FMO4: variants seen among roughly 807,000 people sequenced by gnomAD.
The protein encoded by FMO4 is dimethylaniline monooxygenase [N-oxide-forming] 4.
A neutral mutation model predicts 43.3 loss-of-function variants in FMO4; 38 were observed. The ratio of observed to expected loss-of-function variants is 0.88; its 90% CI spans 0.68 to 1.15. The LOEUF (loss-of-function observed/expected upper bound fraction) is 1.15, where lower values mean the gene tolerates loss of function less well. Among genes scored for constraint, FMO4 ranks in the 50% most tolerant of loss-of-function variants. FMO4 has a pLI of 0.00. For missense variants in FMO4, 631 were observed against 663.3 expected (o/e 0.95, Z 0.54); for synonymous variants, 224 against 232.2 (o/e 0.96, Z 0.32).
At chr1:171,339,817 A>G (rs1663288793) in intron 9 of FMO4, among the ~76,000 whole-genome samples, 1 of 152,146 alleles carries the variant, frequency 6.6e-6, no homozygotes, top group African/African-American at 2.4e-5. Flanking sequence ...GGCCTTGGGA[A>G]CCTCCAAACT....
At chr1:171,322,929 C>A in intron 3 of FMO4, 75 bp from the exon 4 acceptor site, 1 of 1,087,162 alleles carries the variant, frequency 9.2e-7, no homozygotes, top group Non-Finnish European at 1.4e-6. Context: ...GTGAGGCTAG[C>A]ATGAGCCACC....
intron 7 of FMO4, 23 bp downstream of exon 7, chr1:171,332,931 A>G (rs753733606): frequency 4.9e-6 from 5 of 1,012,436 alleles, no homozygotes; most frequent in Non-Finnish European, 7.7e-6. Flanking sequence ...TTTATTTAGT[A>G]GAAAAAATAT....
At chr1:171,318,316 A>AAATAATAATAATAATAAT (rs536741358) in intron 2 of FMO4, among the ~76,000 whole-genome samples, 1,712 of 149,016 alleles carry the variant, frequency 0.011, 39 homozygotes, top group African/African-American at 0.039. Flanking sequence ...GACTGTCTCA[A>AAATAATAATAATAATAAT]AATAATAATA....
chr1:171,339,896 A>T (rs1431764605), intron 9 of FMO4, among the ~76,000 whole-genome samples: 1 of 152,206 alleles, frequency 6.6e-6, no homozygotes, highest in Admixed American at 6.5e-5. Context: ...GAGAAGATTT[A>T]CAACAAAACC....
chr1:171,324,389 T>C (rs1267500593), intron 5 of FMO4, 89 bp downstream of exon 5: 7 of 969,748 alleles, frequency 7.2e-6, no homozygotes, highest in Admixed American at 5.1e-5. Context: ...TACCGCCCCA[T>C]GATTATAGAT....
chr1:171,338,420 A>G (rs932880391), intron 9 of FMO4, among the ~76,000 whole-genome samples: 1 of 152,090 alleles, frequency 6.6e-6, no homozygotes, highest in African/African-American at 2.4e-5. Context: ...CACTCCCAGG[A>G]GGCTCCCTAC....
At chr1:171,338,724 CCTTT>C (rs1267485198) in intron 9 of FMO4, among the ~76,000 whole-genome samples, 2 of 152,188 alleles carry the variant, frequency 1.3e-5, no homozygotes, top group African/African-American at 4.8e-5. Flanking sequence ...CCCTTACCCT[CCTTT>C]CTATTTCTCA....
Position 171,341,816 on chromosome 1 carries a change from C to G in FMO4, c.1654C>G (p.Leu552Val). 6.2e-7 allele frequency: 1 copy of G among 1,612,408 alleles called. No individual in the cohort carries two copies. Among genetic ancestry groups the G allele is most frequent in the Non-Finnish European group, 8.5e-7 (1 of 1,179,066 alleles). Residue 552 changes from leucine to valine, a missense_variant, in exon 10 of 10, where the codon CTA (leucine) becomes GTA (valine). Leu to Val is a conservative substitution (Grantham distance 32). Transcript: ENST00000367749. ...ACTACAGGACAGAATGTCCCCTTAC[C>G]TAGTAAGTCTTTGGCGAGGATGAAC... is the stretch of plus-strand genomic sequence containing the variant. Reference protein sequence around the residue: ...DKLQDRMSPYLVSLWRG With the variant: ...DKLQDRMSPYVVSLWRG
intron 5 of FMO4, among the ~76,000 whole-genome samples, chr1:171,325,214 C>G (rs1404500628): frequency 1.3e-5 from 2 of 152,184 alleles, no homozygotes. Context: ...TTCACTGTGA[C>G]AACATATTCT....
Position 171,324,160 on chromosome 1 carries a change from A to C in FMO4, c.344A>C (p.Lys115Thr), listed in dbSNP as rs148886711. 6.8e-6 allele frequency: 11 copies of C among 1,612,166 alleles called. No individual in the cohort carries two copies. The highest frequency in any genetic ancestry group is 9.3e-6 in the Non-Finnish European group (11 of 1,179,296). Residue 115 changes from lysine (K) to threonine (T), a missense_variant, in exon 5 of 10, where the codon AAG becomes ACG. Lys to Thr is a moderately conservative substitution (Grantham distance 78, BLOSUM62 -1). Coordinates refer to ENST00000367749, the MANE Select transcript of FMO4 (RefSeq NM_002022.3). ...QFKTTVCSITKRPDFSETGQW... is the reference protein window; with the variant it reads ...QFKTTVCSITTRPDFSETGQW... ...TAGACCACTGTGTGCAGCATAACGA[A>C]GCGTCCAGACTTCTCCGAAACTGGT...
rs75661671 is a variant in FMO4, at chr1:171,341,762, T to C, written c.1600T>C (p.Ser534Pro). Residue 534 changes from serine (S) to proline (P), a missense_variant, in exon 10 of 10, where the codon TCA (serine) becomes CCA (proline). By Grantham distance (74) the Ser-to-Pro change is moderately conservative (BLOSUM62 -1). Transcript: ENST00000367749. ...CTCTCTTCTACTTATCTGTAAATCTTCACTTTTCTTGAAATTGGTGAGAGA... is the reference window on the plus strand; with the variant it reads ...CTCTCTTCTACTTATCTGTAAATCTCCACTTTTCTTGAAATTGGTGAGAGA... ...LASLLLICKS[S>P]LFLKLVRDKL... 1.5e-3 allele frequency: 2,367 copies of C among 1,613,884 alleles called. 39 individuals carry two copies. The African/African-American group carries it at 0.028, about 19-fold the overall frequency.
chr1:171,332,731 G>GT lies in FMO4; in HGVS notation c.651dup (p.Thr218TyrfsTer15). On this transcript the variant is annotated frameshift_variant, in exon 7 of 10. Coordinates refer to ENST00000367749, the MANE Select transcript of FMO4 (RefSeq NM_002022.3). LOFTEE classifies it high-confidence loss of function. The stretch of plus-strand genomic sequence containing the variant: ...TAGGTACTTCTCAGTACTAGAACTG[G>GT]TACCTGGGTTCTTGGGCGCTCTTCA... 3 of 1,609,724 alleles carry GT rather than the reference G, an allele frequency of 1.9e-6. No individual in the cohort carries two copies. The highest frequency in any genetic ancestry group is 2.6e-6 in the Non-Finnish European group (3 of 1,176,250).
rs750870142 is a variant in FMO4 at position 171,332,777 on chromosome 1, T to C, written c.696T>C (p.Asn232=). 9.9e-6 allele frequency: 16 copies of C among 1,612,462 alleles called. No homozygotes were observed. The Admixed American group carries it at 2.5e-4, about 25-fold the overall frequency. The stretch of plus-strand genomic sequence containing the variant: ...CTTCAGATTGGGGCTATCCTTATAA[T>C]ATGATGGTTACAAGAAGATGCTGTA... The part of the protein sequence containing the change: ...GRSSDWGYPY[N]MMVTRRCCSF... The change falls in exon 7 of 10, where the codon AAT becomes AAC. Residue 232 remains asparagine, a synonymous_variant. Transcript: ENST00000367749.
intron 5 of FMO4, among the ~76,000 whole-genome samples, chr1:171,325,276 A>AT (rs1286310859): frequency 1.3e-5 from 2 of 152,204 alleles, no homozygotes; most frequent in Admixed American, 1.3e-4. Flanking sequence ...GTCAAAACTG[A>AT]TTATTTGAGA....
chr1:171,340,899 A>G (rs1202839025), intron 9 of FMO4, among the ~76,000 whole-genome samples: 3 of 152,158 alleles, frequency 2.0e-5, no homozygotes, highest in East Asian at 3.8e-4. Context: ...CAAAAAAATT[A>G]AAAATAATTA....
At chr1:171,318,470 G>A (rs897958713) in intron 2 of FMO4, among the ~76,000 whole-genome samples, 3 of 151,946 alleles carry the variant, frequency 2.0e-5, no homozygotes, top group Admixed American at 6.6e-5. Context: ...GGGCAATATG[G>A]TGAGACCCCA....
Position 171,324,325 on chromosome 1 carries a change from T to C in FMO4, c.484+25T>C, listed in dbSNP as rs45452395. On this transcript the variant is annotated intron_variant, in intron 5 of 9. Transcript: ENST00000367749. ...GGTGAGTCATTTCTACCTGAGACCA[T>C]GCCTATGCTTCTGGGTTCTTCTAGA... 13,875 of 1,575,266 alleles carry C rather than the reference T, an allele frequency of 8.8e-3. 937 individuals are homozygous for C. In the African/African-American group the frequency reaches 0.15, roughly 17 times the overall value.
chr1:171,315,006 C>T (rs1269750724), intron 1 of FMO4, among the ~76,000 whole-genome samples: 1 of 152,046 alleles, frequency 6.6e-6, no homozygotes, highest in Non-Finnish European at 1.5e-5. Flanking sequence ...ATATAAGCAA[C>T]CTATGGCTGG....
At position 171,321,069 on chromosome 1, in the gene FMO4, G is replaced by A. The variant is rs115260940; in HGVS notation, c.132+1112G>A. ...TAGGAGAAAAAAAAAATGGTATATT[G>A]TTAACCTCATCAAGCCACCAAATGT... On this transcript the variant is annotated intron_variant, in intron 3 of 9. Transcript: ENST00000367749. Among the ~76,000 whole-genome samples, 1,082 of 152,022 alleles carry A rather than the reference G, an allele frequency of 7.1e-3. 10 individuals are homozygous for A. The highest frequency in any genetic ancestry group is 0.023 in the African/African-American group (970 of 41,480).
Sources: allele counts gnomAD v4.1 joint callset (sites outside exome capture counted in the v4.1 genomes callset), GRCh38; gene constraint gnomAD v4.1.1; transcripts MANE v1.5; gene names NCBI Gene and HGNC (gene_info 2026-07-23, HGNC 2026-07-21).